Variants in EZR observed in about 807,000 individuals in gnomAD.
EZR encodes the protein cytovillin 2.
In EZR, 40 loss-of-function variants were observed where a neutral mutation model predicts 74.8. That is an observed-to-expected ratio of 0.53 (90% CI 0.42 to 0.70). The LOEUF (loss-of-function observed/expected upper bound fraction) is 0.70. EZR is among the 30% of genes least tolerant of loss of function. The pLI is 0.00. For synonymous variants in EZR, 341 were observed against 283.3 expected (o/e 1.20, Z -2.05); for missense variants, 678 against 755.8 (o/e 0.90, Z 1.21).
At chr6:158,778,709 G>A (rs1486369357) in intron 7 of EZR, among the ~76,000 whole-genome samples, 5 of 152,132 alleles carry the variant, frequency 3.3e-5, no homozygotes, top group African/African-American at 1.2e-4. Flanking sequence ...GGTGCATCTC[G>A]AGGAGCCAGG....
intron 11 of EZR, 75 bp downstream of exon 11, chr6:158,769,709 G>A (rs2128564615): frequency 6.4e-7 from 1 of 1,557,374 alleles, no homozygotes; most frequent in Non-Finnish European, 8.8e-7. Context: ...ATTATTACAA[G>A]GCAGGTGTCA....
In EZR at chr6:158,767,462, C is replaced by T. The variant is rs778727773; in HGVS notation, c.1395G>A (p.Leu465=). ...GTGGGGGCGGGGGTGCTGTCATCAC[C>T]AGGTGCAGCTCCTCCTTGGTCTTCA... The part of the protein sequence containing the change: ...DLVKTKEELH[L]VMTAPPPPPP... Residue 465 remains leucine (L), a synonymous_variant, in exon 13 of 14, where the codon CTG becomes CTA. Transcript: ENST00000367075. 6.2e-7 allele frequency: 1 copy of T among 1,611,654 alleles called. No homozygotes were observed. Among genetic ancestry groups the T allele is most frequent in the African/African-American group, 1.3e-5 (1 of 75,008 alleles).
chr6:158,807,258 T>A (rs1253595873), intron 2 of EZR, among the ~76,000 whole-genome samples: 1 of 149,680 alleles, frequency 6.7e-6, no homozygotes, highest in Non-Finnish European at 1.5e-5. Flanking sequence ...GAGCTTGCGG[T>A]GAGTCCAGAT....
At chr6:158,768,097 C>CA (rs969255504) in intron 12 of EZR, among the ~76,000 whole-genome samples, 1 of 151,964 alleles carries the variant, frequency 6.6e-6, no homozygotes, top group Non-Finnish European at 1.5e-5. Context: ...GTAATCCCCC[C>CA]ATGCTGGGGG....
At chr6:158,801,563 A>G (rs1454895998) in intron 2 of EZR, among the ~76,000 whole-genome samples, 1 of 152,234 alleles carries the variant, frequency 6.6e-6, no homozygotes, top group Non-Finnish European at 1.5e-5. Flanking sequence ...CAATAACAAA[A>G]ACATGGGTAC....
chr6:158,814,545 C>CTT lies in EZR; in HGVS notation c.12+3535_12+3536dup, dbSNP rs140662494. ...CACTCCGCTTGCTGATGAATAAAGT[C>CTT]TTTTTTTTTTTTTTTTTGAGACAGA... On this transcript the variant is annotated intron_variant, in intron 2 of 13. Transcript: ENST00000367075. Among the ~76,000 whole-genome samples, 4 of 127,376 alleles carry CTT rather than the reference C, an allele frequency of 3.1e-5. No homozygotes were observed. In the South Asian group the frequency reaches 7.4e-4, roughly 24 times the overall value. The allele number at this position is 127,376 out of a possible 152,430, so 83.6% of individuals were successfully genotyped here.
chr6:158,803,580 T>C lies in EZR; in HGVS notation c.13-14209A>G, dbSNP rs56734670. 3.4e-3 allele frequency among the ~76,000 whole-genome samples: 62 copies of C among 18,042 alleles called. 4 individuals carry two copies. Among genetic ancestry groups the C allele is most frequent in the Admixed American group, 5.6e-3 (10 of 1,770 alleles). 11.8% of individuals were successfully genotyped at this position (18,042 alleles called of 152,430 possible). On this transcript the variant is annotated intron_variant, in intron 2 of 13. Coordinates refer to ENST00000367075, the MANE Select transcript of EZR (RefSeq NM_001111077.2). ...ATATATATATATATATATATATATA[T>C]ACATATATATATATATATATATATA...
chr6:158,787,649 C>CT (rs1358549488), intron 3 of EZR, among the ~76,000 whole-genome samples: 4 of 152,200 alleles, frequency 2.6e-5, no homozygotes, highest in African/African-American at 9.7e-5. Flanking sequence ...CCTGAGCCTC[C>CT]TCTGGCTGCC....
intron 7 of EZR, among the ~76,000 whole-genome samples, chr6:158,780,615 T>C (rs1321108743): frequency 6.6e-6 from 1 of 152,218 alleles, no homozygotes; most frequent in Non-Finnish European, 1.5e-5. Context: ...GCCCTGGACC[T>C]AGTGCATTTC....
chr6:158,789,606 A>T (rs1791679614), intron 2 of EZR: 1 of 650,402 alleles, frequency 1.5e-6, no homozygotes, highest in South Asian at 1.4e-5. Flanking sequence ...GCACACTGAC[A>T]CTTAGGTCTA....
At chr6:158,781,795 G>A (rs1791440260) in intron 7 of EZR, among the ~76,000 whole-genome samples, 1 of 151,738 alleles carries the variant, frequency 6.6e-6, no homozygotes, top group Non-Finnish European at 1.5e-5. Flanking sequence ...ACACGGTCTC[G>A]CTCTGTCACC....
At position 158,806,545 on chromosome 6, in the gene EZR, G is replaced by T. The variant is rs1484556109; in HGVS notation, c.12+11537C>A. Among the ~76,000 whole-genome samples, 5 of 144,914 alleles carry T rather than the reference G, an allele frequency of 3.5e-5. No individual in the cohort carries two copies. The Admixed American group carries it at 3.5e-4, about 10-fold the overall frequency. On this transcript the variant is annotated intron_variant, in intron 2 of 13. Transcript: ENST00000367075. Reference sequence around the variant, plus strand: ...CATTATTTCACTTGTAAAAACTTCAGTATATTGCTCTAAAGCACTAAAAAA... The same window carrying T: ...CATTATTTCACTTGTAAAAACTTCATTATATTGCTCTAAAGCACTAAAAAA...
At chr6:158,818,486 G>A (rs962630415) in intron 1 of EZR, among the ~76,000 whole-genome samples, 21 of 151,126 alleles carry the variant, frequency 1.4e-4, no homozygotes, top group African/African-American at 4.1e-4. Flanking sequence ...GCATGAAGGG[G>A]CTGGTGGGGG....
intron 2 of EZR, among the ~76,000 whole-genome samples, chr6:158,811,197 C>T (rs1033386792): frequency 1.3e-5 from 2 of 152,178 alleles, no homozygotes; most frequent in African/African-American, 4.8e-5. Context: ...GTCTTTTCAA[C>T]ACACATTTAC....
At chr6:158,792,928 A>G (rs2128572167) in intron 2 of EZR, among the ~76,000 whole-genome samples, 1 of 152,146 alleles carries the variant, frequency 6.6e-6, no homozygotes, top group South Asian at 2.1e-4. Context: ...GCCAACTCTT[A>G]GCTGGTCCGA....
intron 7 of EZR, among the ~76,000 whole-genome samples, chr6:158,778,881 A>G (rs1359482439): frequency 1.3e-5 from 2 of 152,268 alleles, no homozygotes; most frequent in Non-Finnish European, 2.9e-5. Flanking sequence ...ATAAATGGAG[A>G]ACAGAAATTG....
intron 8 of EZR, 149 bp from the exon 9 acceptor site, chr6:158,771,556 C>T (rs916781273): frequency 1.2e-6 from 1 of 827,380 alleles, no homozygotes; most frequent in African/African-American, 1.7e-5. Flanking sequence ...AATGTGCATT[C>T]TCCAGGACAG....
chr6:158,773,183 G>A (rs1303193214), intron 8 of EZR, among the ~76,000 whole-genome samples: 1 of 152,160 alleles, frequency 6.6e-6, no homozygotes, highest in Non-Finnish European at 1.5e-5. Context: ...CCTTTATGGG[G>A]TTGTGGGGGT....
intron 2 of EZR, among the ~76,000 whole-genome samples, chr6:158,803,288 G>A (rs996416644): frequency 5.3e-5 from 8 of 151,042 alleles, no homozygotes; most frequent in Non-Finnish European, 7.4e-5. Flanking sequence ...AAGTATAACT[G>A]GTAGAGTGAC....
Sources: gnomAD v4.1 joint callset for allele counts (sites outside exome capture counted in the v4.1 genomes callset) on GRCh38, gnomAD v4.1.1 for gene constraint, MANE v1.5 for transcripts, NCBI Gene and HGNC (gene_info 2026-07-23, HGNC 2026-07-21) for gene names.